The following CBX8 variants were observed in gnomAD, a reference collection of about 807,000 sequenced individuals.
CBX8 encodes the protein chromobox 8.
CBX8 carries 8 observed loss-of-function variants against 39.7 expected under a neutral mutation model. That is an observed-to-expected ratio of 0.20 (90% confidence interval 0.12 to 0.36). The LOEUF is 0.36. Ranked by LOEUF, CBX8 falls within the 10% of genes least tolerant of loss-of-function variation. The probability of loss-of-function intolerance (pLI) is 1.00; values close to 1 mark genes in which losing one functional copy is unlikely to be tolerated. For missense variants in CBX8, 505 were observed against 529.6 expected (o/e 0.95, Z 0.46); for synonymous variants, 268 against 219.8 (o/e 1.22, Z -1.94).
In CBX8 at chr17:79,796,133, G is replaced by A. The variant is rs768863136; in HGVS notation, c.180-10C>T. The A allele has an allele frequency of 1.9e-6, 3 of 1,613,424 alleles. No individual in the cohort carries two copies. The highest frequency in any genetic ancestry group is 2.5e-6 in the Non-Finnish European group (3 of 1,179,966). ...CTCCATCTCTCTTTCCCTGGAGAAA[G>A]AAGAAAAGGAGAAAGGGTGCGTGAG... On this transcript the variant is annotated splice_polypyrimidine_tract_variant and intron_variant, in intron 3 of 4. Coordinates refer to ENST00000269385, the MANE Select transcript of CBX8 (RefSeq NM_020649.3).
At position 79,795,351 on chromosome 17, in the gene CBX8, G is replaced by T. The variant is rs1367847432; in HGVS notation, c.454C>A (p.Arg152=). 1.3e-6 allele frequency: 2 copies of T among 1,589,212 alleles called. No individual in the cohort carries two copies. The highest frequency in any genetic ancestry group is 1.1e-5 in the South Asian group (1 of 88,068). ...CRAEAPRDRD[R]DRDRDRERDR... ...CGCTCCCGGTCCCTATCCCGGTCTC[G>T]GTCCCGGTCCCGAGGGGCCTCTGCG... The change falls in exon 5 of 5, where the codon CGA becomes AGA. Residue 152 remains arginine (R), a synonymous_variant. Coordinates refer to ENST00000269385, the MANE Select transcript of CBX8 (RefSeq NM_020649.3). This position sits in a 1 kb window ranked among gnomAD's most constrained non-coding sequence, Gnocchi z 5.8.
In CBX8 at chr17:79,795,157, G is replaced by A. The variant is rs746904329; in HGVS notation, c.648C>T (p.Gly216=). 1.2e-5 allele frequency: 19 copies of A among 1,613,576 alleles called. No individual in the cohort carries two copies. Among genetic ancestry groups the A allele is most frequent in the East Asian group, 8.9e-5 (4 of 44,874 alleles). ...ELPDPSQRPL[G]EPSAGLGEYL... ...ACTCTCCGAGGCCGGCGCTGGGTTC[G>A]CCTAAGGGCCTCTGTGAGGGGTCCG... The change falls in exon 5 of 5, where the codon GGC becomes GGT. Residue 216 remains glycine (G), a synonymous_variant. Transcript: ENST00000269385. This position sits in a 1 kb window ranked among gnomAD's most constrained non-coding sequence, Gnocchi z 5.8.
Position 79,796,329 on chromosome 17 carries a change from G to T in CBX8, c.114-14C>A. 6.2e-7 allele frequency: 1 copy of T among 1,614,062 alleles called. No individual in the cohort carries two copies. The highest frequency in any genetic ancestry group is 1.1e-5 in the South Asian group (1 of 91,086). On this transcript the variant is annotated splice_polypyrimidine_tract_variant and intron_variant, in intron 2 of 4. Transcript: ENST00000269385. Reference sequence around the variant, plus strand: ...CATGTGCTGTACCTAAAGGGAATCAGGAAGAAGTGGGCATCAGTCCCAGGA... The same window carrying T: ...CATGTGCTGTACCTAAAGGGAATCATGAAGAAGTGGGCATCAGTCCCAGGA...
chr17:79,795,136 T>TCCGAGG lies in CBX8; in HGVS notation c.663_668dup (p.Leu222_Gly223dup), dbSNP rs753325577. ...CCAGCTTCCTGCCCTTGAGGTACTC[T>TCCGAGG]CCGAGGCCGGCGCTGGGTTCGCCTA... On this transcript the variant is annotated inframe_insertion, in exon 5 of 5. Transcript: ENST00000269385. The surrounding 1 kb of genome is among the most constrained non-coding windows in gnomAD (Gnocchi z 5.8). The TCCGAGG allele has an allele frequency of 3.7e-6, 6 of 1,613,490 alleles. No homozygotes were observed. The African/African-American group carries it at 4.0e-5, about 11-fold the overall frequency.
chr17:79,796,235 T>C lies in CBX8; in HGVS notation c.179+15A>G, dbSNP rs1568508319. ...TGTTTCTAAGTGAGCGGCTGGGACT[T>C]GGAAGGGTCTGTACCTTTCCTCAAA... On this transcript the variant is annotated intron_variant, in intron 3 of 4. Transcript: ENST00000269385. 1 of 1,614,182 alleles carries C rather than the reference T, an allele frequency of 6.2e-7. No individual in the cohort carries two copies. Among genetic ancestry groups the C allele is most frequent in the South Asian group, 1.1e-5 (1 of 91,090 alleles).
Position 79,794,818 on chromosome 17 carries a change from T to TC in CBX8, c.986dup (p.Arg330LysfsTer28), listed in dbSNP as rs1286129591. ...GGATCCTGGCGATGAGGGAGGGCCT[T>TC]CCCCCCTGGGCCCCCATGTCCCGGT... On this transcript the variant is annotated frameshift_variant, in exon 5 of 5. Coordinates refer to ENST00000269385, the MANE Select transcript of CBX8 (RefSeq NM_020649.3). LOFTEE classifies it high-confidence loss of function. The TC allele has an allele frequency of 6.2e-7, 1 of 1,608,632 alleles. No individual in the cohort carries two copies.
At position 79,792,985 on chromosome 17, in the gene CBX8, T is replaced by A. The variant is rs1309850046; in HGVS notation, c.*1650A>T. 3 of 148,262 alleles carry A rather than the reference T, an allele frequency of 2.0e-5. No homozygotes were observed. The highest frequency in any genetic ancestry group is 6.8e-5 in the Admixed American group (1 of 14,698). 9.2% of individuals were successfully genotyped at this position (148,262 alleles called of 1,614,324 possible). On this transcript the variant is annotated 3_prime_UTR_variant, in exon 5 of 5. Coordinates refer to ENST00000269385, the MANE Select transcript of CBX8 (RefSeq NM_020649.3). ...CCCGCGCCCCTCCCTCAACAAGCAA[T>A]GGGAAGTTAGATCTTCGCTGGCCCT...
In CBX8 at chr17:79,796,377, G is replaced by A. The variant is rs1220028518; in HGVS notation, c.114-62C>T. The A allele has an allele frequency of 2.5e-6, 4 of 1,587,430 alleles. No homozygotes were observed. The African/African-American group carries it at 5.4e-5, about 21-fold the overall frequency. On this transcript the variant is annotated intron_variant, in intron 2 of 4. Transcript: ENST00000269385. ...GGAGCAGGGTGAGAGCAGAGGGGGT[G>A]TGTGTGTGTGTAACTTTTCTCATTG...
In CBX8 at chr17:79,796,917, C is replaced by T. The variant is rs1050055861; in HGVS notation, c.69+13G>A. The T allele has an allele frequency of 1.2e-6, 2 of 1,600,864 alleles. No homozygotes were observed. The highest frequency in any genetic ancestry group is 1.7e-5 in the Admixed American group (1 of 59,224). On this transcript the variant is annotated intron_variant, in intron 1 of 4. Coordinates refer to ENST00000269385, the MANE Select transcript of CBX8 (RefSeq NM_020649.3). ...CCCGGCCGCACGGAGGCCCTAGGCC[C>T]GGGGGCACCTACTTTCCGTATGCGC...
At chr17:79,796,610 C>A in intron 1 of CBX8, 70 bp from the exon 2 acceptor site, 3 of 1,552,900 alleles carry the variant, frequency 1.9e-6, no homozygotes, top group African/African-American at 1.4e-5. Flanking sequence ...GAAATGCATG[C>A]GAAAATGCAT....
rs1477707233 is a variant in CBX8 at position 79,797,053 on chromosome 17, A to G, written c.-55T>C. 6 of 1,540,728 alleles carry G rather than the reference A, an allele frequency of 3.9e-6. No individual in the cohort carries two copies. In the Admixed American group the frequency reaches 5.4e-5, roughly 14 times the overall value. On this transcript the variant is annotated 5_prime_UTR_variant, in exon 1 of 5. Coordinates refer to ENST00000269385, the MANE Select transcript of CBX8 (RefSeq NM_020649.3). Reference sequence around the variant, plus strand: ...TTCCAGGAGCAGAAAAGCAGCAGCCAGCGCACGACAGACCATAATACTCTC... The same window carrying G: ...TTCCAGGAGCAGAAAAGCAGCAGCCGGCGCACGACAGACCATAATACTCTC...
chr17:79,796,643 C>T, intron 1 of CBX8, 103 bp from the exon 2 acceptor site: 1 of 1,394,200 alleles, frequency 7.2e-7, no homozygotes, highest in Non-Finnish European at 1.0e-6. Flanking sequence ...TGCTCGAAAC[C>T]CCGCCGCAAA....
chr17:79,793,643 G>A lies in CBX8; in HGVS notation c.*992C>T, dbSNP rs1332208448. The A allele has an allele frequency of 2.0e-5, 3 of 152,282 alleles. No individual in the cohort carries two copies. Among genetic ancestry groups the A allele is most frequent in the African/African-American group, 4.8e-5 (2 of 41,472 alleles). 9.4% of individuals were successfully genotyped at this position (152,282 alleles called of 1,614,324 possible). On this transcript the variant is annotated 3_prime_UTR_variant, in exon 5 of 5. Coordinates refer to ENST00000269385, the MANE Select transcript of CBX8 (RefSeq NM_020649.3). ...AGGGAGGCTTGTCCAACTCTTCCTG[G>A]GAGGTGGGGGCCACCGTCTCTTCTC...
rs201502339 is a variant in CBX8, at chr17:79,797,018, C to A, written c.-20G>T. The A allele has an allele frequency of 4.6e-5, 74 of 1,604,298 alleles. No homozygotes were observed. Among genetic ancestry groups the A allele is most frequent in the South Asian group, 7.8e-5 (7 of 89,358 alleles). Reference sequence around the variant, plus strand: ...CTCCATGTTGACTCGCCGCTTCCCCCCTTGGCCGCTTCCAGGAGCAGAAAA... The same window carrying A: ...CTCCATGTTGACTCGCCGCTTCCCCACTTGGCCGCTTCCAGGAGCAGAAAA... On this transcript the variant is annotated 5_prime_UTR_variant, in exon 1 of 5. Transcript: ENST00000269385.
intron 1 of CBX8, 106 bp downstream of exon 1, chr17:79,796,824 T>G: frequency 1.8e-6 from 2 of 1,083,288 alleles, no homozygotes; most frequent in Non-Finnish European, 2.6e-6. Flanking sequence ...CCGCGGCCGC[T>G]GCTGGGACCT....
At position 79,796,951 on chromosome 17, in the gene CBX8, G is replaced by T. The variant is rs1490710104; in HGVS notation, c.48C>A (p.Leu16=). 6.2e-7 allele frequency: 1 copy of T among 1,610,966 alleles called. No individual in the cohort carries two copies. ...VGERVFAAEA[L]LKRRIRKGRM... ...CTACTTTCCGTATGCGCCGCTTCAG[G>T]AGGGCTTCGGCCGCGAACACCCGCT... Residue 16 remains leucine, a synonymous_variant, in exon 1 of 5, where the codon CTC becomes CTA. Coordinates refer to ENST00000269385, the MANE Select transcript of CBX8 (RefSeq NM_020649.3).
chr17:79,796,583 G>A (rs760778821), intron 1 of CBX8, 43 bp from the exon 2 acceptor site: 35 of 1,605,752 alleles, frequency 2.2e-5, no homozygotes, highest in Non-Finnish European at 1.4e-5. Flanking sequence ...GGGGAGAAAC[G>A]CATGACGAGG....
rs762850244 is a variant in CBX8, at chr17:79,794,839, C to A, written c.966G>T (p.Arg322=). The change falls in exon 5 of 5, where the codon CGG becomes CGT. Residue 322 remains arginine, a synonymous_variant. Transcript: ENST00000269385. ...GCCTTCCCCCCTGGGCCCCCATGTC[C>A]CGGTACAGGCCCCCCCCAGAGCTGG... is the stretch of plus-strand genomic sequence containing the variant. The part of the protein sequence containing the change: ...GPPSSGGGLY[R]DMGAQGGRPS... 1.1e-5 allele frequency: 17 copies of A among 1,608,090 alleles called. No individual in the cohort carries two copies. Among genetic ancestry groups the A allele is most frequent in the Non-Finnish European group, 1.4e-5 (16 of 1,177,740 alleles).
rs1219777193 is a variant in CBX8 at position 79,792,619 on chromosome 17, C to G, written c.*2016G>C. 2 of 152,224 alleles carry G rather than the reference C, an allele frequency of 1.3e-5. No individual in the cohort carries two copies. Among genetic ancestry groups the G allele is most frequent in the Non-Finnish European group, 2.9e-5 (2 of 68,042 alleles). 9.4% of individuals were successfully genotyped at this position (152,224 alleles called of 1,614,324 possible). On this transcript the variant is annotated 3_prime_UTR_variant, in exon 5 of 5. Coordinates refer to ENST00000269385, the MANE Select transcript of CBX8 (RefSeq NM_020649.3). The stretch of plus-strand genomic sequence containing the variant: ...TCAGTGAAGTTTCATCTGAAAATAG[C>G]ATCGACATTTAAATAGATACACTCG...
Sources: allele counts gnomAD v4.1 joint callset, GRCh38; gene constraint gnomAD v4.1.1; non-coding constraint Gnocchi (gnomAD v3.1); transcripts MANE v1.5; gene names NCBI Gene and HGNC (gene_info 2026-07-23, HGNC 2026-07-21).